The following LRP4 variants were observed in gnomAD, a reference collection of about 807,000 sequenced individuals.
LRP4 encodes the protein low-density lipoprotein receptor-related protein 4.
A neutral mutation model predicts 220.3 loss-of-function variants in LRP4; 95 were observed. The ratio of observed to expected loss-of-function variants is 0.43; its 90% CI spans 0.37 to 0.51. LRP4 has a LOEUF of 0.51. Among genes scored for constraint, LRP4 ranks in the 20% least tolerant of loss-of-function variants. LRP4 has a pLI of 0.00. For synonymous variants in LRP4, 903 were observed against 954.6 expected (o/e 0.95, Z 1.00); for missense variants, 1,925 against 2,567.0 (o/e 0.75, Z 5.40).
At chr11:46,892,332 T>TA (rs1314940850) in intron 13 of LRP4, among the ~76,000 whole-genome samples, 1 of 152,244 alleles carries the variant, frequency 6.6e-6, no homozygotes, top group East Asian at 1.9e-4. Context: ...GAGCTAATAA[T>TA]AAAAATACGA....
rs772798728 is a variant in LRP4 at position 46,868,133 on chromosome 11, T to A, written c.4952-19A>T. The A allele has an allele frequency of 1.2e-6, 2 of 1,613,834 alleles. No homozygotes were observed. Among genetic ancestry groups the A allele is most frequent in the South Asian group, 2.2e-5 (2 of 91,064 alleles). ...CCAGGCACTAGACAAAAAAGAGGAT[T>A]GGAGTGGGCCACTGGAACCATAAAC... On this transcript the variant is annotated intron_variant, in intron 33 of 37. Coordinates refer to ENST00000378623, the MANE Select transcript of LRP4 (RefSeq NM_002334.4).
In LRP4 at chr11:46,862,664, A is replaced by G; in HGVS notation, c.5327T>C (p.Val1776Ala). 1.2e-6 allele frequency: 2 copies of G among 1,613,924 alleles called. No homozygotes were observed. Among genetic ancestry groups the G allele is most frequent in the Non-Finnish European group, 1.7e-6 (2 of 1,179,954 alleles). ...TGGTTTGGGGATTGCTTCAATCTTC[A>G]CTTCCTGTGTGGATGTTCGGTAGGA... ...NPSYRTSTQE[V>A]KIEAIPKPAM... Residue 1776 changes from valine (V) to alanine (A), a missense_variant, in exon 37 of 38, where the codon GTG becomes GCG. Transcript: ENST00000378623.
At chr11:46,908,746 G>A (rs971024403) in intron 1 of LRP4, among the ~76,000 whole-genome samples, 2 of 152,246 alleles carry the variant, frequency 1.3e-5, no homozygotes, top group Admixed American at 6.5e-5. Flanking sequence ...AAGTAATGAA[G>A]TGGGGAAAGT....
Position 46,873,668 on chromosome 11 carries a change from T to C in LRP4, c.4230-75A>G. 1 of 1,234,076 alleles carries C rather than the reference T, an allele frequency of 8.1e-7. No homozygotes were observed. The highest frequency in any genetic ancestry group is 1.3e-5 in the South Asian group (1 of 74,636). 76.4% of individuals were successfully genotyped at this position (1,234,076 alleles called of 1,614,324 possible). A position where few individuals can be genotyped will look rare whatever the true frequency, so the allele number is the denominator to read the frequency against. ...AGTAGAACTTTAACCCATGTTCCCA[T>C]AACTGGACCCCACTGAACTGTAAGC... On this transcript the variant is annotated intron_variant, in intron 28 of 37. Coordinates refer to ENST00000378623, the MANE Select transcript of LRP4 (RefSeq NM_002334.4). This position sits in a 1 kb window ranked among gnomAD's most constrained non-coding sequence, Gnocchi z 4.2.
At chr11:46,860,699 C>A (rs1045102740) in intron 37 of LRP4, among the ~76,000 whole-genome samples, 1 of 152,158 alleles carries the variant, frequency 6.6e-6, no homozygotes, top group South Asian at 2.1e-4. Context: ...ATGGTCCCTG[C>A]CCTCTGAGAG....
intron 7 of LRP4, among the ~76,000 whole-genome samples, chr11:46,897,231 C>T (rs1941552067): frequency 6.6e-6 from 1 of 152,028 alleles, no homozygotes; most frequent in African/African-American, 2.4e-5. Context: ...TGACTGGCTT[C>T]CCTTTGGACA....
At chr11:46,874,763 A>T in intron 28 of LRP4, 37 bp downstream of exon 28, 3 of 1,605,176 alleles carry the variant, frequency 1.9e-6, no homozygotes, top group Non-Finnish European at 2.6e-6. Flanking sequence ...ACCAGAAGCA[A>T]ATCTGTGTCT....
At position 46,899,246 on chromosome 11, in the gene LRP4, A is replaced by G; in HGVS notation, c.547+141T>C. 1.1e-6 allele frequency: 1 copy of G among 902,548 alleles called. No individual in the cohort carries two copies. The highest frequency in any genetic ancestry group is 1.8e-6 in the Non-Finnish European group (1 of 544,802). 55.9% of individuals were successfully genotyped at this position (902,548 alleles called of 1,614,324 possible). ...CACCTGGGGAACTTGCTCCCTCCCT[A>G]GCTCAGCCTAGGAGGAGCTGCTGCT... On this transcript the variant is annotated intron_variant, in intron 5 of 37. Coordinates refer to ENST00000378623, the MANE Select transcript of LRP4 (RefSeq NM_002334.4). The surrounding 1 kb of genome is among the most constrained non-coding windows in gnomAD (Gnocchi z 5.9).
intron 37 of LRP4, 38 bp from the exon 38 acceptor site, chr11:46,859,353 G>A (rs771746823): frequency 6.7e-7 from 1 of 1,486,042 alleles, no homozygotes; most frequent in South Asian, 1.1e-5. Context: ...CAGTCAGTTG[G>A]CCTTCTACAA....
Position 46,918,488 on chromosome 11 carries a change from C to G in LRP4, c.-109G>C, listed in dbSNP as rs1270419835. On this transcript the variant is annotated 5_prime_UTR_variant, in exon 1 of 38. Coordinates refer to ENST00000378623, the MANE Select transcript of LRP4 (RefSeq NM_002334.4). This position sits in a 1 kb window ranked among gnomAD's most constrained non-coding sequence, Gnocchi z 6.0. ...GGGAAGCGTCCCGGGTGCACGGCGG[C>G]CTGCGCGCCCCGCAAGTCGCCCTCG... 1.3e-6 allele frequency: 1 copy of G among 741,548 alleles called. No individual in the cohort carries two copies. Among genetic ancestry groups the G allele is most frequent in the South Asian group, 6.3e-5 (1 of 15,900 alleles). 45.9% of individuals were successfully genotyped at this position (741,548 alleles called of 1,614,324 possible). A position where few individuals can be genotyped will look rare whatever the true frequency, so the allele number is the denominator to read the frequency against.
Position 46,858,789 on chromosome 11 carries a change from G to A in LRP4, c.*194C>T, listed in dbSNP as rs1427342628. The A allele has an allele frequency of 6.2e-6, 4 of 645,646 alleles. No individual in the cohort carries two copies. Among genetic ancestry groups the A allele is most frequent in the Non-Finnish European group, 1.1e-5 (4 of 356,288 alleles). 40.0% of individuals were successfully genotyped at this position (645,646 alleles called of 1,614,324 possible). A position where few individuals can be genotyped will look rare whatever the true frequency, so the allele number is the denominator to read the frequency against. ...ATCCAGGTCTAAATTCTCGTGATGT[G>A]CCATCATTTCTTGTGCACAGGTAGT... On this transcript the variant is annotated 3_prime_UTR_variant, in exon 38 of 38. Coordinates refer to ENST00000378623, the MANE Select transcript of LRP4 (RefSeq NM_002334.4).
In LRP4 at chr11:46,881,852, G is replaced by A. The variant is rs759250630; in HGVS notation, c.2664C>T (p.Gly888=). Reference sequence around the variant, plus strand: ...TGACTTGGCGGCCTGAGGCATCCATGCCAGCTCGTTCAATCTTGGGGCTCG... The same window carrying A: ...TGACTTGGCGGCCTGAGGCATCCATACCAGCTCGTTCAATCTTGGGGCTCG... The part of the protein sequence containing the change: ...WGASPKIERA[G]MDASGRQVII... Residue 888 remains glycine, a synonymous_variant, in exon 20 of 38, where the codon GGC becomes GGT. Coordinates refer to ENST00000378623, the MANE Select transcript of LRP4 (RefSeq NM_002334.4). 2.5e-6 allele frequency: 4 copies of A among 1,614,160 alleles called. No homozygotes were observed. The highest frequency in any genetic ancestry group is 3.4e-6 in the Non-Finnish European group (4 of 1,180,010).
At chr11:46,887,189 T>C (rs943849592) in intron 16 of LRP4, among the ~76,000 whole-genome samples, 5 of 152,192 alleles carry the variant, frequency 3.3e-5, no homozygotes, top group Non-Finnish European at 7.3e-5. Context: ...GTAGTTTACT[T>C]CCAGCCAGCT....
Position 46,876,551 on chromosome 11 carries a change from C to G in LRP4, c.3451G>C (p.Gly1151Arg). 1 of 1,614,210 alleles carries G rather than the reference C, an allele frequency of 6.2e-7. No individual in the cohort carries two copies. Among genetic ancestry groups the G allele is most frequent in the Non-Finnish European group, 8.5e-7 (1 of 1,180,046 alleles). Residue 1151 changes from glycine (G) to arginine (R), a missense_variant, in exon 25 of 38, where the codon GGC (glycine) becomes CGC (arginine). By Grantham distance (125) the Gly-to-Arg change is moderately radical (BLOSUM62 -2). Around this residue, in one of 3 missense-constraint regions of LRP4, gnomAD observed 1,244 missense variants for 1,624.9 expected, o/e 0.77. Transcript: ENST00000378623. ...TTCCGCATGGACCCGTCCAGGTTGC[C>G]CACTTCAATCCGGTTTGTTCCCGTG... ...TDTGTNRIEV[G>R]NLDGSMRKVL...
chr11:46,876,413 C>T, intron 25 of LRP4, 53 bp downstream of exon 25: 3 of 1,608,244 alleles, frequency 1.9e-6, no homozygotes, highest in Non-Finnish European at 2.6e-6. Context: ...CCCGTCATAA[C>T]CCCAGCTGAG....
At chr11:46,916,405 ATT>A (rs1941946800) in intron 1 of LRP4, among the ~76,000 whole-genome samples, 1 of 152,150 alleles carries the variant, frequency 6.6e-6, no homozygotes, top group Admixed American at 6.5e-5. Flanking sequence ...GCCCCACTGC[ATT>A]CCAGCCTGGG....
intron 2 of LRP4, 52 bp downstream of exon 2, chr11:46,902,731 C>CA: frequency 6.2e-7 from 1 of 1,609,514 alleles, no homozygotes; most frequent in Non-Finnish European, 8.5e-7. Flanking sequence ...CCTTGCCCCC[C>CA]ACCCCCAGGT....
Position 46,896,095 on chromosome 11 carries a change from C to T in LRP4, c.1049-77G>A, listed in dbSNP as rs1941524380. 8 of 1,611,838 alleles carry T rather than the reference C, an allele frequency of 5.0e-6. No individual in the cohort carries two copies. In the South Asian group the frequency reaches 6.6e-5, roughly 13 times the overall value. ...GAGCCAACTTGGCATTCCACCTGGACCACAAAGAACAGCTCCCAAAGCTGC... is the reference window on the plus strand; with the variant it reads ...GAGCCAACTTGGCATTCCACCTGGATCACAAAGAACAGCTCCCAAAGCTGC... On this transcript the variant is annotated intron_variant, in intron 9 of 37. Coordinates refer to ENST00000378623, the MANE Select transcript of LRP4 (RefSeq NM_002334.4).
At chr11:46,908,812 GGC>G (rs1941805193) in intron 1 of LRP4, among the ~76,000 whole-genome samples, 2 of 152,218 alleles carry the variant, frequency 1.3e-5, no homozygotes, top group African/African-American at 4.8e-5. Flanking sequence ...CAGGGAACAG[GGC>G]TTCCCATAAC....
Sources: allele counts gnomAD v4.1 joint callset (sites outside exome capture counted in the v4.1 genomes callset), GRCh38; gene constraint gnomAD v4.1.1; regional missense constraint gnomAD v4.1.1; non-coding constraint Gnocchi (gnomAD v3.1); transcripts MANE v1.5; gene names NCBI Gene and HGNC (gene_info 2026-07-23, HGNC 2026-07-21).